Variants in DPYS observed in about 807,000 individuals in gnomAD.
The protein encoded by DPYS is dihydropyrimidine amidohydrolase.
DPYS carries 39 observed loss-of-function variants against 50.3 expected under a neutral mutation model. The observed-to-expected ratio is 0.78, with a 90% CI of 0.60 to 1.01. DPYS has a LOEUF of 1.01. Ranked by LOEUF, DPYS falls within the 50% of genes least tolerant of loss-of-function variation. The pLI is 0.00. For synonymous variants in DPYS, 245 were observed against 250.7 expected, an observed-to-expected ratio of 0.98 and a Z score of 0.22; for missense variants, 659 against 680.9, an observed-to-expected ratio of 0.97 and a Z score of 0.36.
At chr8:104,394,251 C>T (rs74351196) in intron 7 of DPYS, among the ~76,000 whole-genome samples, 17 of 152,296 alleles carry the variant, frequency 1.1e-4, no homozygotes, top group African/African-American at 3.6e-4. Context: ...AGGAAGCCCC[C>T]GCTGCTGTGT....
chr8:104,426,225 G>A (rs1812715933), intron 6 of DPYS, among the ~76,000 whole-genome samples: 1 of 152,106 alleles, frequency 6.6e-6, no homozygotes, highest in Non-Finnish European at 1.5e-5. Context: ...ATAAGTAATG[G>A]AGGCAAGTAA....
At chr8:104,429,168 T>C (rs1450796258) in intron 5 of DPYS, 2 of 219,698 alleles carry the variant, frequency 9.1e-6, no homozygotes, top group Non-Finnish European at 1.8e-5. Flanking sequence ...TGATCATATG[T>C]TCCCAGAAAG....
intron 7 of DPYS, among the ~76,000 whole-genome samples, chr8:104,415,480 G>T (rs1290105283): frequency 1.3e-5 from 2 of 152,028 alleles, no homozygotes; most frequent in Non-Finnish European, 2.9e-5. Context: ...AGGTTCAGTT[G>T]CATAAAAATA....
At chr8:104,409,057 A>C (rs1034931558) in intron 7 of DPYS, among the ~76,000 whole-genome samples, 7 of 151,612 alleles carry the variant, frequency 4.6e-5, no homozygotes, top group Admixed American at 4.6e-4. Context: ...CGTGATCCCA[A>C]AGTGCTGGGA....
At position 104,454,377 on chromosome 8, in the gene DPYS, A is replaced by T. The variant is rs547395707; in HGVS notation, c.265-2973T>A. ...CTCCAGCCTGGGTGACAAGAGTGAA[A>T]CTCCATCTCAAAACAAACAAACAAA... On this transcript the variant is annotated intron_variant, in intron 1 of 9. Coordinates refer to ENST00000351513, the MANE Select transcript of DPYS (RefSeq NM_001385.3). Among the ~76,000 whole-genome samples the T allele has an allele frequency of 2.0e-5, 3 of 152,256 alleles. No individual in the cohort carries two copies. The South Asian group carries it at 6.2e-4, about 32-fold the overall frequency.
chr8:104,425,996 T>C (rs1348682093), intron 6 of DPYS, among the ~76,000 whole-genome samples: 1 of 152,200 alleles, frequency 6.6e-6, no homozygotes, highest in African/African-American at 2.4e-5. Flanking sequence ...GGGAACTATA[T>C]AGATTATGAA....
chr8:104,447,505 TA>T lies in DPYS; in HGVS notation c.424-3del. 1 of 1,614,078 alleles carries T rather than the reference TA, an allele frequency of 6.2e-7. No homozygotes were observed. The highest frequency in any genetic ancestry group is 8.5e-7 in the Non-Finnish European group (1 of 1,179,980). ...AAGGATTTTCATTTCTTCTTTAACC[TA>T]AAAGGAAGCAGCAACCATAACAACA... is the stretch of plus-strand genomic sequence containing the variant. On this transcript the variant is annotated splice_polypyrimidine_tract_variant and splice_region_variant and intron_variant, in intron 2 of 9. Transcript: ENST00000351513.
rs1292096800 is a variant in DPYS at position 104,381,183 on chromosome 8, C to T, written c.*14+1G>A. On this transcript the variant is annotated splice_donor_variant, in intron 9 of 9. Transcript: ENST00000351513. LOFTEE classifies it low-confidence loss of function (3UTR_SPLICE). Reference sequence around the variant, plus strand: ...GACTTTTCTTGCCTACAGTCCCTTACCGATGGCACACACTTCAGGGGTGGG... The same window carrying T: ...GACTTTTCTTGCCTACAGTCCCTTATCGATGGCACACACTTCAGGGGTGGG... 1.2e-6 allele frequency: 2 copies of T among 1,610,828 alleles called. No homozygotes were observed. Among genetic ancestry groups the T allele is most frequent in the Non-Finnish European group, 1.7e-6 (2 of 1,177,398 alleles).
chr8:104,447,226 A>G (rs1813561982), intron 3 of DPYS, 98 bp downstream of exon 3: 11 of 1,419,994 alleles, frequency 7.7e-6, no homozygotes, highest in Non-Finnish European at 1.1e-5. Context: ...CTCATCTTCC[A>G]ATGCATTAAA....
intron 3 of DPYS, among the ~76,000 whole-genome samples, chr8:104,446,753 T>C (rs939635337): frequency 1.3e-5 from 2 of 152,148 alleles, no homozygotes; most frequent in Admixed American, 1.3e-4. Context: ...TCAGCTAATA[T>C]AAAGGGCAAG....
chr8:104,448,919 A>G (rs1400670444), intron 2 of DPYS, among the ~76,000 whole-genome samples: 1 of 152,174 alleles, frequency 6.6e-6, no homozygotes, highest in East Asian at 1.9e-4. Context: ...TTACTTGCTG[A>G]TCACCTGTCG....
chr8:104,423,439 C>T lies in DPYS; in HGVS notation c.1235+808G>A, dbSNP rs900715557. Among the ~76,000 whole-genome samples the T allele has an allele frequency of 7.2e-5, 11 of 152,246 alleles. No homozygotes were observed. In the East Asian group the frequency reaches 2.1e-3, roughly 29 times the overall value. ...AGGAGCACTTCAATTGAAGCTGGGCCTTTGTGACAATATTAGCCCAAGAAA... is the reference window on the plus strand; with the variant it reads ...AGGAGCACTTCAATTGAAGCTGGGCTTTTGTGACAATATTAGCCCAAGAAA... On this transcript the variant is annotated intron_variant, in intron 7 of 9. Transcript: ENST00000351513.
At chr8:104,444,158 C>T in intron 4 of DPYS, 90 bp downstream of exon 4, 1 of 1,439,622 alleles carries the variant, frequency 6.9e-7, no homozygotes, top group South Asian at 1.2e-5. Context: ...TCCACATGCA[C>T]TTTCTCCTAA....
chr8:104,394,178 G>T (rs983838311), intron 7 of DPYS, among the ~76,000 whole-genome samples: 1 of 152,150 alleles, frequency 6.6e-6, no homozygotes, highest in Non-Finnish European at 1.5e-5. Flanking sequence ...AAATCGTCAA[G>T]GCTGAGTGAG....
At chr8:104,404,249 A>G (rs886458471) in intron 7 of DPYS, among the ~76,000 whole-genome samples, 1 of 152,154 alleles carries the variant, frequency 6.6e-6, no homozygotes, top group Non-Finnish European at 1.5e-5. Flanking sequence ...CTATGTAGTA[A>G]AAAGGGTTCC....
chr8:104,400,333 AG>A (rs1179145479), intron 7 of DPYS, among the ~76,000 whole-genome samples: 1 of 152,248 alleles, frequency 6.6e-6, no homozygotes, highest in Non-Finnish European at 1.5e-5. Context: ...AAAAGAACCA[AG>A]AAGATCTTTT....
At chr8:104,387,943 C>T (rs1811262596) in intron 8 of DPYS, among the ~76,000 whole-genome samples, 1 of 152,162 alleles carries the variant, frequency 6.6e-6, no homozygotes, top group Non-Finnish European at 1.5e-5. Context: ...TGTTTTCAAG[C>T]TACCAAACTG....
intron 1 of DPYS, among the ~76,000 whole-genome samples, chr8:104,457,349 T>C (rs1414817962): frequency 6.6e-6 from 1 of 152,200 alleles, no homozygotes; most frequent in Non-Finnish European, 1.5e-5. Flanking sequence ...TGGAGCAGGA[T>C]GTCTTGAGGT....
intron 1 of DPYS, among the ~76,000 whole-genome samples, chr8:104,465,490 G>A (rs1193232378): frequency 3.9e-5 from 6 of 152,144 alleles, no homozygotes; most frequent in Non-Finnish European, 7.3e-5. Context: ...GACTTAGGGA[G>A]GATGTGGGCT....
Sources: gnomAD v4.1 joint callset for allele counts (sites outside exome capture counted in the v4.1 genomes callset) on GRCh38, gnomAD v4.1.1 for gene constraint, MANE v1.5 for transcripts, NCBI Gene and HGNC (gene_info 2026-07-23, HGNC 2026-07-21) for gene names.